The following ARHGAP42 variants were observed in gnomAD, a reference collection of about 807,000 sequenced individuals.
The protein encoded by ARHGAP42 is Rho GTPase activating protein 42.
ARHGAP42 carries 63 observed loss-of-function variants against 125.0 expected under a neutral mutation model. That is an observed-to-expected ratio of 0.50 (90% confidence interval 0.41 to 0.62). The LOEUF (loss-of-function observed/expected upper bound fraction) is 0.62. Among genes scored for constraint, ARHGAP42 ranks in the 20% least tolerant of loss-of-function variants. The pLI, the probability that ARHGAP42 is intolerant of heterozygous loss-of-function variation, is 0.00. For synonymous variants in ARHGAP42, 339 were observed against 351.0 expected (o/e 0.97, Z 0.38); for missense variants, 766 against 1,024.2 (o/e 0.75, Z 3.44).
intron 3 of ARHGAP42, among the ~76,000 whole-genome samples, chr11:100,816,350 G>T (rs1864265929): frequency 6.6e-6 from 1 of 151,908 alleles, no homozygotes; most frequent in East Asian, 1.9e-4. Context: ...CATCCTAATG[G>T]GTATGACAAC....
chr11:100,954,563 C>T (rs1857752227), intron 12 of ARHGAP42, among the ~76,000 whole-genome samples: 2 of 152,182 alleles, frequency 1.3e-5, no homozygotes, highest in Admixed American at 1.3e-4. Flanking sequence ...CAGTTACCAT[C>T]TGTTATGAGT....
chr11:100,961,849 C>A, intron 15 of ARHGAP42, 81 bp downstream of exon 15: 2 of 1,190,428 alleles, frequency 1.7e-6, no homozygotes, highest in South Asian at 1.4e-5. Context: ...TTTCTTGGAG[C>A]CTGTGTCCAG....
chr11:100,838,491 G>C (rs1054332099), intron 3 of ARHGAP42, among the ~76,000 whole-genome samples: 1 of 152,030 alleles, frequency 6.6e-6, no homozygotes, highest in Admixed American at 6.6e-5. Context: ...AGAATCGGAT[G>C]AGCCCAGTAA....
intron 6 of ARHGAP42, 91 bp downstream of exon 6, chr11:100,921,695 G>GA: frequency 1.3e-6 from 1 of 789,450 alleles, no homozygotes; most frequent in Non-Finnish European, 1.9e-6. Context: ...AATTTTTCTT[G>GA]AAAATTATGA....
chr11:100,797,772 A>G (rs1210148520), intron 3 of ARHGAP42, among the ~76,000 whole-genome samples: 1 of 152,218 alleles, frequency 6.6e-6, no homozygotes, highest in African/African-American at 2.4e-5. Context: ...TTCAAGTCTT[A>G]TGATTTAAGA....
At chr11:100,778,122 A>G (rs945121230) in intron 2 of ARHGAP42, among the ~76,000 whole-genome samples, 1 of 152,014 alleles carries the variant, frequency 6.6e-6, no homozygotes, top group Non-Finnish European at 1.5e-5. Flanking sequence ...ACATTAAACT[A>G]TGATCACACC....
chr11:100,775,847 C>A (rs988736003), intron 2 of ARHGAP42, among the ~76,000 whole-genome samples: 71 of 152,190 alleles, frequency 4.7e-4, no homozygotes, highest in African/African-American at 2.6e-4. Flanking sequence ...AATGAGAAGA[C>A]CTCTAGGTTT....
chr11:100,921,369 G>T, intron 5 of ARHGAP42, 125 bp from the exon 6 acceptor site: 1 of 652,940 alleles, frequency 1.5e-6, no homozygotes. Flanking sequence ...CTGTAGGCAA[G>T]GACTATAATA....
At chr11:100,800,792 G>A (rs535820256) in intron 3 of ARHGAP42, among the ~76,000 whole-genome samples, 2 of 152,206 alleles carry the variant, frequency 1.3e-5, no homozygotes, top group South Asian at 4.1e-4. Flanking sequence ...AAAAACTATA[G>A]ATACAAGTCT....
At chr11:100,981,635 C>G (rs908996868) in intron 22 of ARHGAP42, among the ~76,000 whole-genome samples, 2 of 152,164 alleles carry the variant, frequency 1.3e-5, no homozygotes, top group Non-Finnish European at 2.9e-5. Flanking sequence ...CAGGGGTGAT[C>G]TAATCTATGA....
At chr11:100,835,572 G>T (rs1864766923) in intron 3 of ARHGAP42, among the ~76,000 whole-genome samples, 5 of 152,092 alleles carry the variant, frequency 3.3e-5, no homozygotes. Flanking sequence ...CACACCAAAG[G>T]TGTTTGTTGG....
rs539654412 is a variant in ARHGAP42 at position 100,760,894 on chromosome 11, G to A, written c.155-9449G>A. Among the ~76,000 whole-genome samples, 16 of 152,172 alleles carry A rather than the reference G, an allele frequency of 1.1e-4. No homozygotes were observed. In the South Asian group the frequency reaches 3.3e-3, roughly 32 times the overall value. On this transcript the variant is annotated intron_variant, in intron 1 of 23. Coordinates refer to ENST00000298815, the MANE Select transcript of ARHGAP42 (RefSeq NM_152432.4). ...TGGATGGATATGTTAGGTAATAAAA[G>A]GAGAAATGGGCTGTAACTGAGGCTA...
chr11:100,730,726 A>T (rs984458858), intron 1 of ARHGAP42, among the ~76,000 whole-genome samples: 1 of 152,096 alleles, frequency 6.6e-6, no homozygotes, highest in Middle Eastern at 3.4e-3. Context: ...ATGTGTTCTT[A>T]GGTGATTTTG....
Position 100,992,934 on chromosome 11 carries a change from C to T in ARHGAP42, c.*4133C>T. Reference sequence around the variant, plus strand: ...GCACTCATGAGAGAGATGCCAAGTTCAGTGTGGATTTTTCTTGGTGCTCTA... The same window carrying T: ...GCACTCATGAGAGAGATGCCAAGTTTAGTGTGGATTTTTCTTGGTGCTCTA... On this transcript the variant is annotated 3_prime_UTR_variant, in exon 24 of 24. Transcript: ENST00000298815. 2.1e-6 allele frequency: 1 copy of T among 473,680 alleles called. No individual in the cohort carries two copies. The highest frequency in any genetic ancestry group is 3.8e-6 in the Non-Finnish European group (1 of 263,254). 29.3% of individuals were successfully genotyped at this position (473,680 alleles called of 1,614,324 possible).
rs1011540483 is a variant in ARHGAP42 at position 100,992,037 on chromosome 11, C to T, written c.*3236C>T. ...GATTTCTCACTATCATCCAGTGTAC[C>T]CTGCTCACCTTCTCACTCCTAGCAC... On this transcript the variant is annotated 3_prime_UTR_variant, in exon 24 of 24. Coordinates refer to ENST00000298815, the MANE Select transcript of ARHGAP42 (RefSeq NM_152432.4). 7.6e-6 allele frequency: 3 copies of T among 394,062 alleles called. No homozygotes were observed. Among genetic ancestry groups the T allele is most frequent in the Admixed American group, 4.1e-5 (1 of 24,370 alleles). 24.4% of individuals were successfully genotyped at this position (394,062 alleles called of 1,614,324 possible). A position where few individuals can be genotyped will look rare whatever the true frequency, so the allele number is the denominator to read the frequency against.
intron 22 of ARHGAP42, among the ~76,000 whole-genome samples, chr11:100,982,976 T>C (rs1858581350): frequency 6.6e-6 from 1 of 152,244 alleles, no homozygotes; most frequent in Non-Finnish European, 1.5e-5. Flanking sequence ...AATAATTTAA[T>C]GATTTTCCTT....
chr11:100,832,255 G>A (rs1040487271), intron 3 of ARHGAP42, among the ~76,000 whole-genome samples: 1 of 152,212 alleles, frequency 6.6e-6, no homozygotes, highest in Non-Finnish European at 1.5e-5. Context: ...AGAACTGAAC[G>A]AGGATGGGCA....
intron 13 of ARHGAP42, 141 bp downstream of exon 13, chr11:100,960,086 G>C: frequency 5.6e-6 from 4 of 714,212 alleles, no homozygotes; most frequent in Non-Finnish European, 9.2e-6. Context: ...TGTATGTATC[G>C]GTATACAAAT....
At position 100,855,328 on chromosome 11, in the gene ARHGAP42, G is replaced by A. The variant is rs978363732; in HGVS notation, c.313-4226G>A. Among the ~76,000 whole-genome samples, 13 of 152,170 alleles carry A rather than the reference G, an allele frequency of 8.5e-5. No individual in the cohort carries two copies. In the East Asian group the frequency reaches 2.3e-3, roughly 27 times the overall value. The stretch of plus-strand genomic sequence containing the variant: ...GGACATATAGTCATTAATTAGTGAT[G>A]AGCTGTGACTGGCACCAACATCACT... On this transcript the variant is annotated intron_variant, in intron 3 of 23. Coordinates refer to ENST00000298815, the MANE Select transcript of ARHGAP42 (RefSeq NM_152432.4).
Sources: allele counts gnomAD v4.1 joint callset (sites outside exome capture counted in the v4.1 genomes callset), GRCh38; gene constraint gnomAD v4.1.1; transcripts MANE v1.5; gene names NCBI Gene and HGNC (gene_info 2026-07-23, HGNC 2026-07-21).